The following GEN1 variants were observed in gnomAD, a reference collection of about 807,000 sequenced individuals.
The protein encoded by GEN1 is GEN1 structure-specific endonuclease.
Under a neutral mutation model 67.6 loss-of-function variants are expected in GEN1, and 64 were observed. The observed-to-expected ratio is 0.95, with a 90% confidence interval of 0.77 to 1.17. The LOEUF is 1.17. Ranked by LOEUF, GEN1 falls within the 50% of genes most tolerant of loss-of-function variation. GEN1 has a pLI of 0.00. For synonymous variants in GEN1, 371 were observed against 359.4 expected (o/e 1.03, Z -0.37); for missense variants, 1,058 against 1,048.3 (o/e 1.01, Z -0.13).
rs1400836503 is a variant in GEN1 at position 17,786,405 on chromosome 2, G to T, written c.*4466G>T. ...GCATCACACAAGGGATCCTAACGTG[G>T]CATTTGAGCTACTGGAAAAAAATTG... On this transcript the variant is annotated 3_prime_UTR_variant, in exon 14 of 14. Coordinates refer to ENST00000381254, the MANE Select transcript of GEN1 (RefSeq NM_001130009.3). 2.6e-5 allele frequency: 4 copies of T among 152,202 alleles called. No individual in the cohort carries two copies. The highest frequency in any genetic ancestry group is 6.5e-5 in the Admixed American group (1 of 15,284). The allele number at this position is 152,202 out of a possible 1,614,324, so 9.4% of individuals were successfully genotyped here. A position where few individuals can be genotyped will look rare whatever the true frequency, so the allele number is the denominator to read the frequency against.
intron 12 of GEN1, among the ~76,000 whole-genome samples, chr2:17,778,278 A>ACACACACACGTGTGTGTGTACATATATG (rs1558409054): frequency 3.0e-5 from 1 of 32,856 alleles, no homozygotes. Flanking sequence ...ACATATATGT[A>ACACACACACGTGTGTGTGTACATATATG]TATACACACA....
At chr2:17,758,303 G>A (rs1353984345) in intron 1 of GEN1, among the ~76,000 whole-genome samples, 2 of 152,164 alleles carry the variant, frequency 1.3e-5, no homozygotes, top group Non-Finnish European at 2.9e-5. Flanking sequence ...TTAGAACAAA[G>A]GAATTGCATA....
In GEN1 at chr2:17,781,457, A is replaced by G. The variant is rs767044083; in HGVS notation, c.2245A>G (p.Lys749Glu). The G allele has an allele frequency of 3.1e-6, 5 of 1,613,594 alleles. No homozygotes were observed. The highest frequency in any genetic ancestry group is 2.2e-5 in the East Asian group (1 of 44,866). The part of the protein sequence containing the change: ...KGDQLLQEDY[K>E]VNTSVPYSVS... The stretch of plus-strand genomic sequence containing the variant: ...AGACCAGCTGCTTCAAGAAGACTAT[A>G]AAGTCAATACTTCTGTCCCTTATTC... The change falls in exon 14 of 14, where the codon AAA (lysine) becomes GAA (glutamate). Residue 749 changes from lysine to glutamate, a missense_variant. By Grantham distance (56) the Lys-to-Glu change is moderately conservative (BLOSUM62 1). Transcript: ENST00000381254.
rs1422177308 is a variant in GEN1, at chr2:17,787,477, G to A, written c.*5538G>A. On this transcript the variant is annotated 3_prime_UTR_variant, in exon 14 of 14. Coordinates refer to ENST00000381254, the MANE Select transcript of GEN1 (RefSeq NM_001130009.3). ...AAGAAAGTCTTCTGTTGCTTCTCTG[G>A]ATCGCTGCTAGTCCCCATAGACTTC... 1 of 152,122 alleles carries A rather than the reference G, an allele frequency of 6.6e-6. No homozygotes were observed. The highest frequency in any genetic ancestry group is 1.5e-5 in the Non-Finnish European group (1 of 68,038). 9.4% of individuals were successfully genotyped at this position (152,122 alleles called of 1,614,324 possible). A position where few individuals can be genotyped will look rare whatever the true frequency, so the allele number is the denominator to read the frequency against.
At position 17,781,712 on chromosome 2, in the gene GEN1, G is replaced by A. The variant is rs1204480092; in HGVS notation, c.2500G>A (p.Glu834Lys). The change falls in exon 14 of 14, where the codon GAA becomes AAA. Residue 834 changes from glutamate to lysine, a missense_variant. Transcript: ENST00000381254. ...AAAGCATAATTCATCCCATTTCAAA[G>A]AAAGTGGCCATAACAAGTTGAGTAG... is the stretch of plus-strand genomic sequence containing the variant. ...SQKHNSSHFKESGHNKLSSPK... is the reference protein window; with the variant it reads ...SQKHNSSHFKKSGHNKLSSPK... 6.2e-7 allele frequency: 1 copy of A among 1,613,126 alleles called. No homozygotes were observed. The highest frequency in any genetic ancestry group is 1.1e-5 in the South Asian group (1 of 91,050).
At chr2:17,762,139 A>C (rs192660181) in intron 3 of GEN1, among the ~76,000 whole-genome samples, 1 of 150,258 alleles carries the variant, frequency 6.7e-6, no homozygotes, top group Non-Finnish European at 1.5e-5. Context: ...TAAGAAAGAA[A>C]TCATCTATAG....
rs1381677709 is a variant in GEN1, at chr2:17,782,873, T to G, written c.*934T>G. 2 of 152,192 alleles carry G rather than the reference T, an allele frequency of 1.3e-5. No homozygotes were observed. Among genetic ancestry groups the G allele is most frequent in the Non-Finnish European group, 2.9e-5 (2 of 68,016 alleles). The allele number at this position is 152,192 out of a possible 1,614,324, so 9.4% of individuals were successfully genotyped here. A position where few individuals can be genotyped will look rare whatever the true frequency, so the allele number is the denominator to read the frequency against. ...CCAAATATTAAGTCATGCATTAATT[T>G]AGGTCGCACTCAAAAATTCTAGAGA... On this transcript the variant is annotated 3_prime_UTR_variant, in exon 14 of 14. Coordinates refer to ENST00000381254, the MANE Select transcript of GEN1 (RefSeq NM_001130009.3).
At chr2:17,773,747 C>CA (rs1007102636) in intron 10 of GEN1, among the ~76,000 whole-genome samples, 12 of 152,106 alleles carry the variant, frequency 7.9e-5, no homozygotes, top group Admixed American at 6.6e-4. Flanking sequence ...CTCATAAAGT[C>CA]ACCATGAGGA....
intron 6 of GEN1, among the ~76,000 whole-genome samples, chr2:17,770,854 C>T (rs1410534859): frequency 1.3e-5 from 2 of 150,792 alleles, no homozygotes; most frequent in African/African-American, 4.9e-5. Context: ...TGCTCACATA[C>T]TGCTGCCTAA....
intron 6 of GEN1, among the ~76,000 whole-genome samples, chr2:17,770,877 CA>C (rs150186233): frequency 3.6e-4 from 52 of 142,998 alleles, no homozygotes; most frequent in Admixed American, 6.3e-4. Flanking sequence ...TAAGATTCTT[CA>C]AAAAAAAAAG....
chr2:17,761,250 T>C lies in GEN1; in HGVS notation c.162-146T>C, dbSNP rs1671662310. 3 of 569,818 alleles carry C rather than the reference T, an allele frequency of 5.3e-6. No homozygotes were observed. In the East Asian group the frequency reaches 9.4e-5, roughly 18 times the overall value. 35.3% of individuals were successfully genotyped at this position (569,818 alleles called of 1,614,324 possible). On this transcript the variant is annotated intron_variant, in intron 2 of 13. Coordinates refer to ENST00000381254, the MANE Select transcript of GEN1 (RefSeq NM_001130009.3). The stretch of plus-strand genomic sequence containing the variant: ...GTCAAAGAAAAAGAAAATTCAGTGG[T>C]TTTCCACTCTAATTAAAGCTTAAGT...
chr2:17,770,489 G>T lies in GEN1; in HGVS notation c.711-707G>T, dbSNP rs544579164. ...TTAGCTTTTATAAAAACTTCAACTT[G>T]TTTAAGTAGAGGAACATAATTCAGA... On this transcript the variant is annotated intron_variant, in intron 6 of 13. Transcript: ENST00000381254. Among the ~76,000 whole-genome samples, 7 of 152,166 alleles carry T rather than the reference G, an allele frequency of 4.6e-5. No homozygotes were observed. In the East Asian group the frequency reaches 1.2e-3, roughly 25 times the overall value.
At chr2:17,760,201 T>G in intron 2 of GEN1, 97 bp downstream of exon 2, 2 of 1,190,434 alleles carry the variant, frequency 1.7e-6, no homozygotes, top group Non-Finnish European at 2.3e-6. Flanking sequence ...TTGTTGTTAT[T>G]CTTTTACATT....
chr2:17,765,536 T>TA (rs1671888520), intron 4 of GEN1, among the ~76,000 whole-genome samples: 1 of 152,226 alleles, frequency 6.6e-6, no homozygotes, highest in Non-Finnish European at 1.5e-5. Context: ...GTTGGAGAGA[T>TA]ACTGCTGGGA....
intron 1 of GEN1, among the ~76,000 whole-genome samples, chr2:17,759,400 G>GT (rs1329963597): frequency 6.6e-6 from 1 of 152,140 alleles, no homozygotes; most frequent in Middle Eastern, 3.2e-3. Flanking sequence ...GTGATTAAAA[G>GT]TTTTTTTCTT....
At chr2:17,761,724 G>A (rs555532566) in intron 3 of GEN1, 142 bp downstream of exon 3, 80 of 624,694 alleles carry the variant, frequency 1.3e-4, no homozygotes, top group Admixed American at 4.4e-4. Flanking sequence ...ATTTTTTAGA[G>A]TGAAATTGAC....
At chr2:17,774,247 G>A in intron 10 of GEN1, 24 bp from the exon 11 acceptor site, 1 of 1,363,772 alleles carries the variant, frequency 7.3e-7, no homozygotes, top group East Asian at 2.6e-5. Flanking sequence ...ACAAAATCTT[G>A]TTTTATTTTT....
rs1196740809 is a variant in GEN1 at position 17,778,097 on chromosome 2, A to G, written c.1264+34A>G. ...TCACTTTAAGCAAAATATTCCATTT[A>G]TAATATTTGACCATGTATGTCTAGT... On this transcript the variant is annotated intron_variant, in intron 12 of 13. Transcript: ENST00000381254. 3.4e-6 allele frequency: 4 copies of G among 1,186,318 alleles called. No individual in the cohort carries two copies. The Admixed American group carries it at 6.8e-5, about 20-fold the overall frequency. 73.5% of individuals were successfully genotyped at this position (1,186,318 alleles called of 1,614,324 possible). A position where few individuals can be genotyped will look rare whatever the true frequency, so the allele number is the denominator to read the frequency against.
At chr2:17,771,113 A>C (rs1672166177) in intron 6 of GEN1, 83 bp from the exon 7 acceptor site, 3 of 813,244 alleles carry the variant, frequency 3.7e-6, no homozygotes, top group South Asian at 2.8e-5. Flanking sequence ...GTGAAAGGGA[A>C]TAGATCAGCC....
Sources: gnomAD v4.1 joint callset for allele counts (sites outside exome capture counted in the v4.1 genomes callset) on GRCh38, gnomAD v4.1.1 for gene constraint, MANE v1.5 for transcripts, NCBI Gene and HGNC (gene_info 2026-07-23, HGNC 2026-07-21) for gene names.